MYO1F: variants seen among roughly 807,000 people sequenced by gnomAD.
MYO1F encodes the protein unconventional myosin-If.
In MYO1F, 60 loss-of-function variants were observed where a neutral mutation model predicts 146.6. The ratio of observed to expected loss-of-function variants is 0.41; its 90% CI spans 0.33 to 0.51. The LOEUF is 0.51. MYO1F is among the 20% of genes least tolerant of loss of function. The probability of loss-of-function intolerance (pLI) is 0.25; values close to 1 mark genes in which losing one functional copy is unlikely to be tolerated. For synonymous variants in MYO1F, 602 were observed against 602.1 expected, an observed-to-expected ratio of 1.00 and a Z score of 0.00; for missense variants, 1,274 against 1,534.3, an observed-to-expected ratio of 0.83 and a Z score of 2.83.
intron 1 of MYO1F, among the ~76,000 whole-genome samples, chr19:8,559,328 TGAG>T: frequency 6.5e-5 from 1 of 15,406 alleles, no homozygotes; most frequent in South Asian, 2.8e-3. Flanking sequence ...GGAATGTTCT[TGAG>T]GGGGTGGGGG....
In MYO1F at chr19:8,525,363, T is replaced by A; in HGVS notation, c.2854+116A>T. On this transcript the variant is annotated intron_variant, in intron 25 of 27. Coordinates refer to ENST00000644032, the MANE Select transcript of MYO1F (RefSeq NM_012335.4). Reference sequence around the variant, plus strand: ...GGAGATGTGGAGCTACGGAGAGTCCTGGACAGAGAAGTGAGTGGTAAACTG... The same window carrying A: ...GGAGATGTGGAGCTACGGAGAGTCCAGGACAGAGAAGTGAGTGGTAAACTG... 5 of 908,606 alleles carry A rather than the reference T, an allele frequency of 5.5e-6. No homozygotes were observed. In the South Asian group the frequency reaches 7.1e-5, roughly 13 times the overall value. 56.3% of individuals were successfully genotyped at this position (908,606 alleles called of 1,614,324 possible).
chr19:8,574,925 T>A (rs2042209565), intron 1 of MYO1F, among the ~76,000 whole-genome samples: 1 of 151,134 alleles, frequency 6.6e-6, no homozygotes, highest in Non-Finnish European at 1.5e-5. Context: ...CTGGCTAATT[T>A]TTGTATTTTT....
At chr19:8,527,015 G>A in intron 22 of MYO1F, 80 bp from the exon 23 acceptor site, 2 of 1,569,622 alleles carry the variant, frequency 1.3e-6, no homozygotes, top group East Asian at 2.3e-5. Flanking sequence ...GGTGGCTGAA[G>A]GTGGATTTAG....
chr19:8,528,977 A>C (rs1972376858), intron 21 of MYO1F, among the ~76,000 whole-genome samples: 1 of 152,084 alleles, frequency 6.6e-6, no homozygotes, highest in African/African-American at 2.4e-5. Flanking sequence ...TCTCAGTGAA[A>C]ACATTTAAGG....
intron 13 of MYO1F, among the ~76,000 whole-genome samples, chr19:8,544,750 C>A (rs985737119): frequency 6.6e-6 from 1 of 152,010 alleles, no homozygotes; most frequent in Non-Finnish European, 1.5e-5. Context: ...AGACTAGAAT[C>A]CCTTGGTAGG....
Position 8,577,374 on chromosome 19 carries a change from AG to A in MYO1F, c.-66del, listed in dbSNP as rs1255417970. The A allele has an allele frequency of 1.9e-6, 3 of 1,600,074 alleles. No homozygotes were observed. The highest frequency in any genetic ancestry group is 2.2e-5 in the East Asian group (1 of 44,796). Reference sequence around the variant, plus strand: ...TGGGTCGTGATGGAGGTGCAGGTTCAGGGGGATCTTGGGGGTGGCTTGGGCA... The same window carrying A: ...TGGGTCGTGATGGAGGTGCAGGTTCAGGGGATCTTGGGGGTGGCTTGGGCA... On this transcript the variant is annotated 5_prime_UTR_variant, in exon 1 of 28. It removes the in-frame stop codon of an upstream open reading frame in the 5' UTR. Transcript: ENST00000644032. This position sits in a 1 kb window ranked among gnomAD's most constrained non-coding sequence, Gnocchi z 4.3.
chr19:8,573,392 C>G (rs1310386674), intron 1 of MYO1F, among the ~76,000 whole-genome samples: 1 of 152,082 alleles, frequency 6.6e-6, no homozygotes, highest in African/African-American at 2.4e-5. Context: ...CGTCTTCACT[C>G]TCTCTCCTAC....
At chr19:8,573,090 C>T (rs1226461566) in intron 1 of MYO1F, among the ~76,000 whole-genome samples, 2 of 152,112 alleles carry the variant, frequency 1.3e-5, no homozygotes, top group East Asian at 1.9e-4. Flanking sequence ...GGGCAGATCA[C>T]GAGGTCAGGA....
rs777191777 is a variant in MYO1F at position 8,522,415 on chromosome 19, C to T, written c.3182G>A (p.Ser1061Asn). ...QYVGQDVDEL[S>N]FNVNEVIEIL... ...CTCAATGACCTCGTTCACGTTGAAGCTCAGCTCGTCCACATCTTGGCCCAC... is the reference window on the plus strand; with the variant it reads ...CTCAATGACCTCGTTCACGTTGAAGTTCAGCTCGTCCACATCTTGGCCCAC... Residue 1061 changes from serine to asparagine, a missense_variant, in exon 27 of 28, where the codon AGC becomes AAC. Transcript: ENST00000644032. The T allele has an allele frequency of 2.5e-6, 4 of 1,614,220 alleles. No individual in the cohort carries two copies. Among genetic ancestry groups the T allele is most frequent in the Admixed American group, 1.7e-5 (1 of 60,028 alleles).
chr19:8,526,782 G>T lies in MYO1F; in HGVS notation c.2621+7C>A. The T allele has an allele frequency of 1.2e-6, 2 of 1,604,890 alleles. No individual in the cohort carries two copies. The highest frequency in any genetic ancestry group is 8.5e-7 in the Non-Finnish European group (1 of 1,176,628). ...CCGAGATGGTGCTGGGGTTGGCGGGGCCGTACGTGTCGCTGAAGGTGAGGG... is the reference window on the plus strand; with the variant it reads ...CCGAGATGGTGCTGGGGTTGGCGGGTCCGTACGTGTCGCTGAAGGTGAGGG... On this transcript the variant is annotated splice_region_variant and intron_variant, in intron 23 of 27. Transcript: ENST00000644032.
At chr19:8,538,395 A>G (rs1217341189) in intron 16 of MYO1F, among the ~76,000 whole-genome samples, 1 of 151,850 alleles carries the variant, frequency 6.6e-6, no homozygotes, top group African/African-American at 2.4e-5. Flanking sequence ...AGTTCAAGCA[A>G]TTCTCCTGCC....
intron 16 of MYO1F, among the ~76,000 whole-genome samples, chr19:8,538,436 A>G (rs1015576605): frequency 2.7e-5 from 4 of 150,484 alleles, no homozygotes; most frequent in Non-Finnish European, 5.9e-5. Flanking sequence ...GATTACAGGC[A>G]TATGCTGGCT....
At chr19:8,544,000 T>TGCTGGTGCTGGCGGTGGC in intron 14 of MYO1F, 3 of 154,872 alleles carry the variant, frequency 1.9e-5, no homozygotes, top group Admixed American at 1.0e-4. Context: ...GTGGTGCTGG[T>TGCTGGTGCTGGCGGTGGC]GGTGGCGGTG....
intron 22 of MYO1F, 31 bp from the exon 23 acceptor site, chr19:8,526,966 G>T (rs1309256751): frequency 3.1e-6 from 5 of 1,611,962 alleles, no homozygotes; most frequent in Non-Finnish European, 8.5e-7. Context: ...GCGTCAGGTG[G>T]GACACAGGTG....
chr19:8,529,782 G>C, intron 21 of MYO1F: 1 of 347,824 alleles, frequency 2.9e-6, no homozygotes, highest in Non-Finnish European at 5.6e-6. Context: ...ATGGACAGCT[G>C]TGTCTGCTAT....
intron 22 of MYO1F, 56 bp from the exon 23 acceptor site, chr19:8,526,991 G>T: frequency 6.2e-7 from 1 of 1,603,008 alleles, no homozygotes; most frequent in South Asian, 1.1e-5. Flanking sequence ...CGACAGGTGA[G>T]AGAGACAGAT....
rs1013283787 is a variant in MYO1F at position 8,553,174 on chromosome 19, C to T, written c.469G>A (p.Ala157Thr). Residue 157 changes from alanine (A) to threonine (T), a missense_variant, in exon 6 of 28, where the codon GCC becomes ACC. Ala to Thr is a moderately conservative substitution (Grantham distance 58, BLOSUM62 0). Transcript: ENST00000644032. ...GAATTGTTGTTGCGCACAGTCTTGG[C>T]GTTGCCGAAGGCCTCGAGCAGCGGG... ...SNPLLEAFGN[A>T]KTVRNNNSSR... is the part of the protein sequence containing the mutation. 6.8e-6 allele frequency: 11 copies of T among 1,614,018 alleles called. No homozygotes were observed. The highest frequency in any genetic ancestry group is 2.2e-5 in the East Asian group (1 of 44,894).
intron 16 of MYO1F, 74 bp downstream of exon 16, chr19:8,539,873 A>G: frequency 7.6e-7 from 1 of 1,321,108 alleles, no homozygotes; most frequent in Non-Finnish European, 1.1e-6. Context: ...TGAGAGAAAC[A>G]GAGTCCGGAC....
intron 21 of MYO1F, chr19:8,529,991 G>C: frequency 1.4e-6 from 1 of 698,506 alleles, no homozygotes. Context: ...GCCAGGTGAG[G>C]GTATACCTGT....
Sources: gnomAD v4.1 joint callset for allele counts (sites outside exome capture counted in the v4.1 genomes callset) on GRCh38, gnomAD v4.1.1 for gene constraint, Gnocchi (gnomAD v3.1) non-coding constraint, MANE v1.5 for transcripts, NCBI Gene and HGNC (gene_info 2026-07-23, HGNC 2026-07-21) for gene names.